Variants in ZFYVE28 observed in about 807,000 individuals in gnomAD.
The protein encoded by ZFYVE28 is zinc finger FYVE-type containing 28.
A neutral mutation model predicts 82.1 loss-of-function variants in ZFYVE28; 40 were observed. The observed-to-expected ratio is 0.49, with a 90% CI of 0.38 to 0.63. The LOEUF is 0.63. Ranked by LOEUF, ZFYVE28 falls within the 30% of genes least tolerant of loss-of-function variation. The pLI is 0.00. For missense variants in ZFYVE28, 1,321 were observed against 1,242.1 expected (o/e 1.06, Z -0.96); for synonymous variants, 612 against 546.1 (o/e 1.12, Z -1.68).
In ZFYVE28 at chr4:2,306,473, G is replaced by A. The variant is rs116255074; in HGVS notation, c.804-937C>T. Among the ~76,000 whole-genome samples the A allele has an allele frequency of 4.9e-3, 740 of 152,310 alleles. 8 individuals are homozygous for A. Among genetic ancestry groups the A allele is most frequent in the African/African-American group, 0.017 (693 of 41,550 alleles). On this transcript the variant is annotated intron_variant, in intron 7 of 12. Transcript: ENST00000290974. ...TGACACCATCCTGACTCCATAGGCC[G>A]AGGCACGCACCTGCTCTGCTTCTCT...
intron 8 of ZFYVE28, among the ~76,000 whole-genome samples, chr4:2,275,204 T>C (rs1390420364): frequency 6.6e-6 from 1 of 152,152 alleles, no homozygotes; most frequent in Non-Finnish European, 1.5e-5. Flanking sequence ...GTCTCCATCT[T>C]CCCAGCAGCT....
intron 1 of ZFYVE28, among the ~76,000 whole-genome samples, chr4:2,389,778 A>C (rs556658694): frequency 2.6e-5 from 4 of 152,334 alleles, no homozygotes; most frequent in South Asian, 4.1e-4. Context: ...GTGGCCCTGC[A>C]GAGGTCCTGG....
At chr4:2,272,595 T>C (rs1490055833) in intron 10 of ZFYVE28, among the ~76,000 whole-genome samples, 1 of 152,234 alleles carries the variant, frequency 6.6e-6, no homozygotes, top group South Asian at 2.1e-4. Flanking sequence ...TGTGTGACCA[T>C]GGCTGTGAGA....
intron 1 of ZFYVE28, among the ~76,000 whole-genome samples, chr4:2,367,399 C>T (rs755961730): frequency 6.6e-6 from 1 of 152,264 alleles, no homozygotes; most frequent in Admixed American, 6.5e-5. Flanking sequence ...GAGCCTCAGG[C>T]TCTGCCTGGC....
chr4:2,366,200 C>A (rs376376890), intron 1 of ZFYVE28, among the ~76,000 whole-genome samples: 1 of 152,224 alleles, frequency 6.6e-6, no homozygotes, highest in Non-Finnish European at 1.5e-5. Flanking sequence ...GAACTCTACA[C>A]GCACCAAAAA....
chr4:2,273,027 G>T (rs1736053657), intron 10 of ZFYVE28, 146 bp downstream of exon 10: 2 of 693,308 alleles, frequency 2.9e-6, no homozygotes, highest in African/African-American at 1.8e-5. Flanking sequence ...GAGTGCAGAG[G>T]TCAGGGGATC....
intron 7 of ZFYVE28, among the ~76,000 whole-genome samples, chr4:2,307,429 GT>G (rs1020169134): frequency 3.9e-5 from 6 of 151,922 alleles, no homozygotes; most frequent in Non-Finnish European, 8.8e-5. Flanking sequence ...TTTGTGTCCT[GT>G]TTAAGAAATC....
intron 1 of ZFYVE28, among the ~76,000 whole-genome samples, chr4:2,371,363 AC>A (rs1727532783): frequency 6.6e-6 from 1 of 152,246 alleles, no homozygotes; most frequent in African/African-American, 2.4e-5. Flanking sequence ...GGTGCCCGCC[AC>A]TAACAGATGA....
At chr4:2,307,503 ATTTTTT>A (rs1716762674) in intron 7 of ZFYVE28, among the ~76,000 whole-genome samples, 1 of 151,858 alleles carries the variant, frequency 6.6e-6, no homozygotes, top group Non-Finnish European at 1.5e-5. Flanking sequence ...GCTTTTTATT[ATTTTTT>A]AAGTCATGGT....
In ZFYVE28 at chr4:2,306,554, G is replaced by A. The variant is rs117977723; in HGVS notation, c.804-1018C>T. Among the ~76,000 whole-genome samples the A allele has an allele frequency of 6.6e-4, 101 of 152,332 alleles. No individual in the cohort carries two copies. The East Asian group carries it at 0.011, about 17-fold the overall frequency. ...CTTGTGGCAGGATTTGTTTGCTGAT[G>A]TTATATTTGTGTAGAATCTCCAGAT... On this transcript the variant is annotated intron_variant, in intron 7 of 12. Transcript: ENST00000290974.
At position 2,269,777 on chromosome 4, in the gene ZFYVE28, T is replaced by G. The variant is rs1735764886; in HGVS notation, c.*948A>C. 5.3e-5 allele frequency: 8 copies of G among 152,060 alleles called. No individual in the cohort carries two copies. Among genetic ancestry groups the G allele is most frequent in the Admixed American group, 5.2e-4 (8 of 15,272 alleles). 9.4% of individuals were successfully genotyped at this position (152,060 alleles called of 1,614,324 possible). A position where few individuals can be genotyped will look rare whatever the true frequency, so the allele number is the denominator to read the frequency against. On this transcript the variant is annotated 3_prime_UTR_variant, in exon 13 of 13. Transcript: ENST00000290974. ...TTTATCCTAGAAAAGAAGCAGTAGG[T>G]GTGTCATCTCCAAAAATAAAACTGC...
In ZFYVE28 at chr4:2,409,565, G is replaced by T. The variant is rs915070435; in HGVS notation, c.39+8720C>A. Among the ~76,000 whole-genome samples, 1 of 152,128 alleles carries T rather than the reference G, an allele frequency of 6.6e-6. No homozygotes were observed. Among genetic ancestry groups the T allele is most frequent in the African/African-American group, 2.4e-5 (1 of 41,420 alleles). Reference sequence around the variant, plus strand: ...TCAGCAGCCCCCTCGCCCCCACTCCGCTGGCTGCTCGCTGTCCCTCCGATC... The same window carrying T: ...TCAGCAGCCCCCTCGCCCCCACTCCTCTGGCTGCTCGCTGTCCCTCCGATC... On this transcript the variant is annotated intron_variant, in intron 1 of 12. Coordinates refer to ENST00000290974, the MANE Select transcript of ZFYVE28 (RefSeq NM_020972.3). This position sits in a 1 kb window ranked among gnomAD's most constrained non-coding sequence, Gnocchi z 4.4.
chr4:2,414,755 G>T (rs527942712), intron 1 of ZFYVE28, among the ~76,000 whole-genome samples: 1 of 152,250 alleles, frequency 6.6e-6, no homozygotes, highest in African/African-American at 2.4e-5. Flanking sequence ...CCCCCATGCC[G>T]GGAATTCTCA....
Position 2,341,274 on chromosome 4 carries a change from G to A in ZFYVE28, c.318+204C>T. On this transcript the variant is annotated intron_variant, in intron 3 of 12. Transcript: ENST00000290974. The surrounding 1 kb of genome is among the most constrained non-coding windows in gnomAD (Gnocchi z 4.5). ...TTTCATTTGTATGTATAGTTTTGGG[G>A]GCACCAGTTCATGGCTTTCCCAGAT... is the stretch of plus-strand genomic sequence containing the variant. 1 of 657,614 alleles carries A rather than the reference G, an allele frequency of 1.5e-6. No homozygotes were observed. The highest frequency in any genetic ancestry group is 2.8e-5 in the East Asian group (1 of 36,100). The allele number at this position is 657,614 out of a possible 1,614,324, so 40.7% of individuals were successfully genotyped here.
chr4:2,330,489 G>A, intron 6 of ZFYVE28: 1 of 1,094,850 alleles, frequency 9.1e-7, no homozygotes, highest in Admixed American at 4.7e-5. Context: ...GCATGGAGGA[G>A]GGGACAGTGC....
At chr4:2,405,953 G>A (rs1410628816) in intron 1 of ZFYVE28, among the ~76,000 whole-genome samples, 2 of 151,754 alleles carry the variant, frequency 1.3e-5, no homozygotes, top group African/African-American at 4.8e-5. Flanking sequence ...GGAGGCTGAG[G>A]CAGGAGGATC....
chr4:2,296,416 G>A (rs531630177), intron 8 of ZFYVE28, among the ~76,000 whole-genome samples: 6 of 152,346 alleles, frequency 3.9e-5, no homozygotes, highest in South Asian at 2.1e-4. Context: ...CCGACTCACC[G>A]TGTCAGCCCA....
intron 9 of ZFYVE28, among the ~76,000 whole-genome samples, 170 bp from the exon 10 acceptor site, chr4:2,273,459 C>T (rs1229880148): frequency 1.3e-5 from 2 of 152,278 alleles, no homozygotes; most frequent in East Asian, 3.9e-4. Context: ...GATTCCCTTG[C>T]AAGAATAAAA....
In ZFYVE28 at chr4:2,305,395, G is replaced by A. The variant is rs530815493; in HGVS notation, c.945C>T (p.Pro315=). The change falls in exon 8 of 13, where the codon CCC becomes CCT. Residue 315 remains proline, a synonymous_variant. Coordinates refer to ENST00000290974, the MANE Select transcript of ZFYVE28 (RefSeq NM_020972.3). ...ALAPALSAPL[P]PEGPLSAKAK... The stretch of plus-strand genomic sequence containing the variant: ...CCTTAGCTGAGAGTGGCCCCTCAGG[G>A]GGGAGAGGGGCAGAGAGGGCAGGCG... 3 of 1,612,786 alleles carry A rather than the reference G, an allele frequency of 1.9e-6. No individual in the cohort carries two copies. The highest frequency in any genetic ancestry group is 1.1e-5 in the South Asian group (1 of 91,064).
Sources: allele counts gnomAD v4.1 joint callset (sites outside exome capture counted in the v4.1 genomes callset), GRCh38; gene constraint gnomAD v4.1.1; non-coding constraint Gnocchi (gnomAD v3.1); transcripts MANE v1.5; gene names NCBI Gene and HGNC (gene_info 2026-07-23, HGNC 2026-07-21).